NDST1: variants seen among roughly 807,000 people sequenced by gnomAD.
The protein encoded by NDST1 is bifunctional heparan sulfate N-deacetylase/N-sulfotransferase 1.
NDST1 carries 35 observed loss-of-function variants against 92.8 expected under a neutral mutation model. That is an observed-to-expected ratio of 0.38 (90% CI 0.29 to 0.50). The LOEUF (loss-of-function observed/expected upper bound fraction) is 0.50, where lower values mean the gene tolerates loss of function less well. NDST1 is among the 20% of genes least tolerant of loss of function. NDST1 has a pLI of 0.94. For synonymous variants in NDST1, 493 were observed against 500.3 expected (o/e 0.99, Z 0.19); for missense variants, 822 against 1,182.7 (o/e 0.69, Z 4.47).
intron 10 of NDST1, 36 bp from the exon 11 acceptor site, chr5:150,545,275 GT>G (rs1755430876): frequency 6.2e-7 from 1 of 1,613,262 alleles, no homozygotes; most frequent in Non-Finnish European, 8.5e-7. Context: ...CTCCTCATGA[GT>G]TTTGTCTGTG....
At chr5:150,519,637 G>A (rs572530493) in intron 1 of NDST1, among the ~76,000 whole-genome samples, 93 of 151,990 alleles carry the variant, frequency 6.1e-4, no homozygotes, top group African/African-American at 2.1e-3. Flanking sequence ...GCAGCGAGCC[G>A]AGATTGCACC....
chr5:150,530,369 C>T (rs6863373), intron 3 of NDST1, among the ~76,000 whole-genome samples: 57,921 of 151,850 alleles, frequency 0.38, 11,332 homozygotes, highest in Admixed American at 0.42. Flanking sequence ...GTGTTCTACT[C>T]GAGGTGTTCT....
At chr5:150,505,056 T>C (rs765071794), upstream of NDST1, among the ~76,000 whole-genome samples, 1 of 152,248 alleles carries the variant, frequency 6.6e-6, no homozygotes, top group Non-Finnish European at 1.5e-5. Context: ...TTAATAAAGT[T>C]GGCATGTGAT....
At position 150,534,741 on chromosome 5, in the gene NDST1, C is replaced by A. The variant is rs1038644990; in HGVS notation, c.1097-126C>A. ...GGCTCTGTCTGCTCCTGTGCTGTAG[C>A]CCAGATAACTCTTCCAGGCAGCTCC... On this transcript the variant is annotated intron_variant, in intron 4 of 14. Transcript: ENST00000261797. 7 of 1,135,012 alleles carry A rather than the reference C, an allele frequency of 6.2e-6. No individual in the cohort carries two copies. In the African/African-American group the frequency reaches 9.2e-5, roughly 15 times the overall value. 70.3% of individuals were successfully genotyped at this position (1,135,012 alleles called of 1,614,324 possible).
chr5:150,540,350 C>A, intron 8 of NDST1, 86 bp downstream of exon 8: 1 of 1,402,432 alleles, frequency 7.1e-7, no homozygotes, highest in Non-Finnish European at 9.7e-7. Context: ...GGACTCAAGG[C>A]TCAGCCATCA....
chr5:150,536,015 C>G lies in NDST1; in HGVS notation c.1437+130C>G. 5.5e-6 allele frequency: 6 copies of G among 1,081,716 alleles called. No homozygotes were observed. In the South Asian group the frequency reaches 8.1e-5, roughly 15 times the overall value. The allele number at this position is 1,081,716 out of a possible 1,614,324, so 67.0% of individuals were successfully genotyped here. ...AGGGGTTGCAGATCAGCTTCTGCTG[C>G]CTCCTCTGGCACCCGAGGCTCTCTG... On this transcript the variant is annotated intron_variant, in intron 6 of 14. Transcript: ENST00000261797.
upstream of NDST1, among the ~76,000 whole-genome samples, chr5:150,504,526 A>G (rs1188373620): frequency 6.6e-6 from 1 of 152,056 alleles, no homozygotes; most frequent in Non-Finnish European, 1.5e-5. Context: ...TGCCAGATGC[A>G]CACACTATTT....
At chr5:150,535,489 TC>T in intron 5 of NDST1, 1 of 805,874 alleles carries the variant, frequency 1.2e-6, no homozygotes, top group Non-Finnish European at 1.5e-6. Flanking sequence ...AGACCTGGGT[TC>T]TAATCCCAGC....
chr5:150,507,924 C>T (rs140387302), upstream of NDST1, among the ~76,000 whole-genome samples: 99 of 152,266 alleles, frequency 6.5e-4, 1 homozygote, highest in East Asian at 9.4e-3. Flanking sequence ...TCCCTGGGCA[C>T]GGGGCAGAAT....
intron 1 of NDST1, among the ~76,000 whole-genome samples, chr5:150,509,803 C>T (rs1284435210): frequency 5.3e-5 from 8 of 152,206 alleles, no homozygotes; most frequent in South Asian, 2.1e-4. Context: ...GCCACTGCCC[C>T]GAGCCGCCAT....
chr5:150,518,515 C>T (rs1326545520), intron 1 of NDST1, among the ~76,000 whole-genome samples: 3 of 152,202 alleles, frequency 2.0e-5, no homozygotes, highest in Admixed American at 2.0e-4. Flanking sequence ...TTGTCCCAGT[C>T]ACCTCCTCAT....
chr5:150,532,838 A>G (rs1754806866), intron 3 of NDST1, 107 bp from the exon 4 acceptor site: 1 of 1,047,886 alleles, frequency 9.5e-7, no homozygotes, highest in Admixed American at 1.7e-5. Flanking sequence ...GACATTCTTT[A>G]TAATTTTTGA....
At chr5:150,513,636 G>T (rs1753827272) in intron 1 of NDST1, among the ~76,000 whole-genome samples, 1 of 152,160 alleles carries the variant, frequency 6.6e-6, no homozygotes, top group African/African-American at 2.4e-5. Context: ...ATGTGAGTTG[G>T]GTTACTGGGC....
Position 150,541,647 on chromosome 5 carries a change from C to T in NDST1, c.1827C>T (p.Ile609=). 1 of 1,614,212 alleles carries T rather than the reference C, an allele frequency of 6.2e-7. No homozygotes were observed. Among genetic ancestry groups the T allele is most frequent in the Non-Finnish European group, 8.5e-7 (1 of 1,180,040 alleles). Residue 609 remains isoleucine (I), a synonymous_variant, in exon 9 of 15, where the codon ATC becomes ATT. Transcript: ENST00000261797. The part of the protein sequence containing the change: ...KTCDRFPKLL[I]IGPQKTGTTA... ...GTGACCGCTTCCCAAAGCTCCTCAT[C>T]ATCGGCCCCCAGAAAACAGGCAGGT...
intron 11 of NDST1, among the ~76,000 whole-genome samples, chr5:150,545,769 G>A (rs975203820): frequency 3.3e-5 from 5 of 152,212 alleles, no homozygotes; most frequent in Non-Finnish European, 7.3e-5. Context: ...TACGCCTAGA[G>A]GAAGCTTAGA....
At position 150,538,670 on chromosome 5, in the gene NDST1, G is replaced by A. The variant is rs116564212; in HGVS notation, c.1438-558G>A. Among the ~76,000 whole-genome samples, 1,397 of 152,266 alleles carry A rather than the reference G, an allele frequency of 9.2e-3. 16 individuals carry two copies. Among genetic ancestry groups the A allele is most frequent in the African/African-American group, 0.032 (1,323 of 41,554 alleles). On this transcript the variant is annotated intron_variant, in intron 6 of 14. Transcript: ENST00000261797. ...GCAAGGTTTGTACATTTGTCCATCA[G>A]TCCATCCATCCATCCACTGACCTCA...
intron 2 of NDST1, among the ~76,000 whole-genome samples, chr5:150,523,880 A>T (rs1475481797): frequency 6.6e-6 from 1 of 152,184 alleles, no homozygotes; most frequent in East Asian, 1.9e-4. Flanking sequence ...CCTGTTGCCT[A>T]GGACAAGACT....
chr5:150,528,609 A>C lies in NDST1; in HGVS notation c.1008+311A>C, dbSNP rs2748218. 2.0e-5 allele frequency among the ~76,000 whole-genome samples: 3 copies of C among 151,964 alleles called. No homozygotes were observed. In the South Asian group the frequency reaches 6.2e-4, roughly 32 times the overall value. ...AGTTTGAGACCAGCCTGGCCAACAC[A>C]GCGAAACCCCATCTCTACTAAAAAT... On this transcript the variant is annotated intron_variant, in intron 3 of 14. Coordinates refer to ENST00000261797, the MANE Select transcript of NDST1 (RefSeq NM_001543.5).
Position 150,521,772 on chromosome 5 carries a change from A to C in NDST1, c.513+5A>C. The stretch of plus-strand genomic sequence containing the variant: ...GGCATCATTGGCTTCTTCAAGGTAC[A>C]CAAGAAGCAGGGTCCCCGAGCAGTT... On this transcript the variant is annotated splice_donor_5th_base_variant and intron_variant, in intron 2 of 14. Coordinates refer to ENST00000261797, the MANE Select transcript of NDST1 (RefSeq NM_001543.5). The surrounding 1 kb of genome is among the most constrained non-coding windows in gnomAD (Gnocchi z 5.9). 6.2e-7 allele frequency: 1 copy of C among 1,612,822 alleles called. No individual in the cohort carries two copies. The highest frequency in any genetic ancestry group is 8.5e-7 in the Non-Finnish European group (1 of 1,180,022).
Sources: gnomAD v4.1 joint callset for allele counts (sites outside exome capture counted in the v4.1 genomes callset) on GRCh38, gnomAD v4.1.1 for gene constraint, Gnocchi (gnomAD v3.1) non-coding constraint, MANE v1.5 for transcripts, NCBI Gene and HGNC (gene_info 2026-07-23, HGNC 2026-07-21) for gene names.